The following LAIR1 variants were observed in gnomAD, a reference collection of about 807,000 sequenced individuals.
The protein encoded by LAIR1 is leukocyte-associated immunoglobulin-like receptor 1.
Under a neutral mutation model 32.8 loss-of-function variants are expected in LAIR1, and 24 were observed. The observed-to-expected ratio is 0.73, with a 90% CI of 0.53 to 1.03. The LOEUF (loss-of-function observed/expected upper bound fraction) is 1.03, where lower values mean the gene tolerates loss of function less well. LAIR1 is among the 50% of genes least tolerant of loss of function. The pLI is 0.00. For missense variants in LAIR1, 355 were observed against 347.5 expected (o/e 1.02, Z -0.17); for synonymous variants, 150 against 140.5 (o/e 1.07, Z -0.48).
At chr19:54,356,462 G>C in intron 6 of LAIR1, 29 bp downstream of exon 6, 1 of 1,612,948 alleles carries the variant, frequency 6.2e-7, no homozygotes, top group Non-Finnish European at 8.5e-7. Context: ...CAGCTTCCCA[G>C]GTCACCCCAC....
Position 54,355,970 on chromosome 19 carries a change from C to T in LAIR1, c.701G>A (p.Arg234Lys), listed in dbSNP as rs2081679914. Residue 234 changes from arginine (R) to lysine (K), a missense_variant, in exon 9 of 10, where the codon AGA (arginine) becomes AAA (lysine). Coordinates refer to ENST00000391742, the MANE Select transcript of LAIR1 (RefSeq NM_002287.6). This position sits in a 1 kb window ranked among gnomAD's most constrained non-coding sequence, Gnocchi z 4.7. ...ATVNGLPEKD[R>K]ETDTSALAAG... ...AAGGCTCACCGAGGTGTCCGTCTCT[C>T]TGTCCTTCTCAGGAAGTCCATTGAC... 6.2e-7 allele frequency: 1 copy of T among 1,607,770 alleles called. No individual in the cohort carries two copies. Among genetic ancestry groups the T allele is most frequent in the African/African-American group, 1.3e-5 (1 of 74,840 alleles).
chr19:54,369,958 C>T (rs1417296421), intron 1 of LAIR1, among the ~76,000 whole-genome samples: 1 of 149,180 alleles, frequency 6.7e-6, no homozygotes, highest in Non-Finnish European at 1.5e-5. Flanking sequence ...CAAGCTAAAC[C>T]CCGGTCCTCA....
upstream of LAIR1, among the ~76,000 whole-genome samples, chr19:54,375,419 C>T (rs2082483169): frequency 6.6e-6 from 1 of 152,218 alleles, no homozygotes; most frequent in Non-Finnish European, 1.5e-5. Flanking sequence ...CTTGTGGCTT[C>T]TTACCACGTA....
At chr19:54,367,810 G>A (rs1442238306), upstream of LAIR1, among the ~76,000 whole-genome samples, 1 of 140,500 alleles carries the variant, frequency 7.1e-6, no homozygotes, top group Non-Finnish European at 1.5e-5. Context: ...CTGTCGCCCA[G>A]GCCGGACTGC....
chr19:54,367,864 C>T (rs566529261), upstream of LAIR1, among the ~76,000 whole-genome samples: 609 of 148,360 alleles, frequency 4.1e-3, no homozygotes, highest in African/African-American at 0.014. Context: ...GCTCCGCTTC[C>T]CGGGTTCACG....
Position 54,356,985 on chromosome 19 carries a change from A to AAGG in LAIR1, c.416-22_416-20dup, listed in dbSNP as rs767599021. The AAGG allele has an allele frequency of 1.2e-6, 2 of 1,612,712 alleles. No homozygotes were observed. The highest frequency in any genetic ancestry group is 2.7e-5 in the African/African-American group (2 of 74,864). ...GTGGGTCCTGGGAGGGAGGAATCAG[A>AAGG]AGGAGGAGGAGTTAGAGTCCTGAGC... On this transcript the variant is annotated intron_variant, in intron 4 of 9. Transcript: ENST00000391742.
upstream of LAIR1, among the ~76,000 whole-genome samples, chr19:54,365,444 A>C (rs2082222775): frequency 6.6e-6 from 1 of 152,162 alleles, no homozygotes; most frequent in East Asian, 1.9e-4. Flanking sequence ...TTCCTCAAAA[A>C]ATTAAAAATA....
upstream of LAIR1, among the ~76,000 whole-genome samples, chr19:54,372,021 CAT>C (rs1419619836): frequency 4.0e-5 from 6 of 151,710 alleles, no homozygotes; most frequent in African/African-American, 1.5e-4. Flanking sequence ...TGTCTGGACA[CAT>C]AGTTAATCCA....
Position 54,364,603 on chromosome 19 carries a change from A to C in LAIR1, c.34+168T>G. 1 of 840,010 alleles carries C rather than the reference A, an allele frequency of 1.2e-6. No homozygotes were observed. The highest frequency in any genetic ancestry group is 1.9e-5 in the Admixed American group (1 of 53,692). The allele number at this position is 840,010 out of a possible 1,614,324, so 52.0% of individuals were successfully genotyped here. A position where few individuals can be genotyped will look rare whatever the true frequency, so the allele number is the denominator to read the frequency against. ...CACCCGGGCCCCTGTTTTTAGGACA[A>C]GATCTTCTCTGATCAGACTTAGGCC... On this transcript the variant is annotated intron_variant, in intron 1 of 9. Coordinates refer to ENST00000391742, the MANE Select transcript of LAIR1 (RefSeq NM_002287.6). The surrounding 1 kb of genome is among the most constrained non-coding windows in gnomAD (Gnocchi z 4.8).
chr19:54,356,049 G>C (rs768179114), intron 8 of LAIR1, 43 bp from the exon 9 acceptor site: 1 of 1,515,320 alleles, frequency 6.6e-7, no homozygotes, highest in East Asian at 2.3e-5. Context: ...GGAGGATGTC[G>C]CAAGGCAAAT....
At chr19:54,371,473 A>T (rs1196521570), upstream of LAIR1, among the ~76,000 whole-genome samples, 3 of 150,910 alleles carry the variant, frequency 2.0e-5, no homozygotes, top group Non-Finnish European at 4.4e-5. Context: ...TAATTTTTGT[A>T]TGTTTAGTAG....
rs1473781776 is a variant in LAIR1, at chr19:54,361,046, A to C, written c.234T>G (p.Ser78Arg). Reference sequence around the variant, plus strand: ...GGAATCTGGCCTCTGACTCAGATGGACTAGCTTGAGACACATCTTCAGTAT... The same window carrying C: ...GGAATCTGGCCTCTGACTCAGATGGCCTAGCTTGAGACACATCTTCAGTAT... ...YNDTEDVSQA[S>R]PSESEARFRI... Residue 78 changes from serine (S) to arginine (R), a missense_variant, in exon 3 of 10, where the codon AGT becomes AGG. Ser to Arg is a moderately radical substitution (Grantham distance 110). Coordinates refer to ENST00000391742, the MANE Select transcript of LAIR1 (RefSeq NM_002287.6). 1 of 1,614,220 alleles carries C rather than the reference A, an allele frequency of 6.2e-7. No individual in the cohort carries two copies. Among genetic ancestry groups the C allele is most frequent in the Non-Finnish European group, 8.5e-7 (1 of 1,180,036 alleles).
chr19:54,357,263 T>C (rs2081766648), intron 4 of LAIR1: 1 of 462,294 alleles, frequency 2.2e-6, no homozygotes. Context: ...ACGGGCCTGA[T>C]GCCATCCCTA....
chr19:54,355,237 C>G lies in LAIR1; in HGVS notation c.*31G>C, dbSNP rs2081638752. 3 of 1,536,212 alleles carry G rather than the reference C, an allele frequency of 2.0e-6. No homozygotes were observed. Among genetic ancestry groups the G allele is most frequent in the Non-Finnish European group, 2.6e-6 (3 of 1,138,674 alleles). The stretch of plus-strand genomic sequence containing the variant: ...GGCTTTTCCTAGAGTGACTTTCTAC[C>G]CTCAGGTGCAGAGGCCAGGTGGGTA... On this transcript the variant is annotated 3_prime_UTR_variant, in exon 10 of 10. Coordinates refer to ENST00000391742, the MANE Select transcript of LAIR1 (RefSeq NM_002287.6). The surrounding 1 kb of genome is among the most constrained non-coding windows in gnomAD (Gnocchi z 4.7).
At chr19:54,363,700 A>G (rs2082129027) in intron 2 of LAIR1, among the ~76,000 whole-genome samples, 1 of 152,246 alleles carries the variant, frequency 6.6e-6, no homozygotes. Context: ...CCGGGCACAG[A>G]AAGACAATTA....
In LAIR1 at chr19:54,364,754, C is replaced by A; in HGVS notation, c.34+17G>T. The A allele has an allele frequency of 6.2e-7, 1 of 1,608,650 alleles. No individual in the cohort carries two copies. The highest frequency in any genetic ancestry group is 8.5e-7 in the Non-Finnish European group (1 of 1,175,534). ...CCCGACCCCCTTTCCAGCCTCCCGG[C>A]TGCCTCCAGGACTCACCTAGGCCCA... On this transcript the variant is annotated intron_variant, in intron 1 of 9. Coordinates refer to ENST00000391742, the MANE Select transcript of LAIR1 (RefSeq NM_002287.6). The surrounding 1 kb of genome is among the most constrained non-coding windows in gnomAD (Gnocchi z 4.8).
intron 3 of LAIR1, 57 bp downstream of exon 3, chr19:54,360,859 G>C (rs768166584): frequency 4.5e-5 from 70 of 1,546,926 alleles, no homozygotes; most frequent in Middle Eastern, 4.6e-4. Context: ...CCAGGGACCT[G>C]GGGACAAGCT....
Position 54,361,318 on chromosome 19 carries a change from T to G in LAIR1, c.71-109A>C, listed in dbSNP as rs934533012. 4 of 1,232,140 alleles carry G rather than the reference T, an allele frequency of 3.2e-6. No homozygotes were observed. In the Admixed American group the frequency reaches 7.4e-5, roughly 23 times the overall value. The allele number at this position is 1,232,140 out of a possible 1,614,324, so 76.3% of individuals were successfully genotyped here. A position where few individuals can be genotyped will look rare whatever the true frequency, so the allele number is the denominator to read the frequency against. The stretch of plus-strand genomic sequence containing the variant: ...GGATTTTAGCAATTTTATAGAGTTA[T>G]GCAGCCATGACCACAGCCCAACCTT... On this transcript the variant is annotated intron_variant, in intron 2 of 9. Transcript: ENST00000391742.
chr19:54,373,670 C>T (rs2082457547), upstream of LAIR1, among the ~76,000 whole-genome samples: 1 of 151,846 alleles, frequency 6.6e-6, no homozygotes, highest in Non-Finnish European at 1.5e-5. Context: ...TGGTGCACAC[C>T]TGTAATCCCA....
Sources: allele counts gnomAD v4.1 joint callset (sites outside exome capture counted in the v4.1 genomes callset), GRCh38; gene constraint gnomAD v4.1.1; non-coding constraint Gnocchi (gnomAD v3.1); transcripts MANE v1.5; gene names NCBI Gene and HGNC (gene_info 2026-07-23, HGNC 2026-07-21).